NAF1: variants seen among roughly 807,000 people sequenced by gnomAD.
NAF1 encodes H/ACA ribonucleoprotein complex non-core subunit NAF1.
In NAF1, 11 loss-of-function variants were observed where a neutral mutation model predicts 40.6. That is an observed-to-expected ratio of 0.27 (90% CI 0.17 to 0.45). The LOEUF is 0.45. Ranked by LOEUF, NAF1 falls within the 20% of genes least tolerant of loss-of-function variation. NAF1 has a pLI of 1.00. For synonymous variants in NAF1, 260 were observed against 228.5 expected, an observed-to-expected ratio of 1.14 and a Z score of -1.24; for missense variants, 607 against 611.1, an observed-to-expected ratio of 0.99 and a Z score of 0.07.
chr4:163,128,668 A>C (rs1290456259), downstream of NAF1: 9 of 1,029,416 alleles, frequency 8.7e-6, no homozygotes, highest in Admixed American at 4.0e-4. Flanking sequence ...TGAATTCAAA[A>C]TTTTAATTAA....
At position 163,129,212 on chromosome 4, in the gene NAF1, A is replaced by T. The variant is rs757509484; in HGVS notation, c.1170T>A (p.Pro390=). ...ARYPRSCHGR[P]PPQHFYNSEH... is the part of the protein sequence containing the mutation. The stretch of plus-strand genomic sequence containing the variant: ...CTGAGTTATAGAAATGCTGAGGTGG[A>T]GGCCTGCCATGGCAAGATCGAGGGT... Residue 390 remains proline, a synonymous_variant, in exon 8 of 8, where the codon CCT becomes CCA. Transcript: ENST00000274054. 7 of 1,613,704 alleles carry T rather than the reference A, an allele frequency of 4.3e-6. No homozygotes were observed. In the East Asian group the frequency reaches 1.6e-4, roughly 36 times the overall value.
At chr4:163,118,028 T>C (rs1730403663) in intron 2 of NAF1, among the ~76,000 whole-genome samples, 1 of 152,210 alleles carries the variant, frequency 6.6e-6, no homozygotes, top group South Asian at 2.1e-4. Flanking sequence ...TCATGTTCCA[T>C]TTATCTTTCA....
intron 2 of NAF1, among the ~76,000 whole-genome samples, chr4:163,111,413 C>T (rs1433921535): frequency 2.0e-5 from 3 of 152,106 alleles, no homozygotes; most frequent in Non-Finnish European, 4.4e-5. Context: ...TATTGTTCTT[C>T]TATTTTGTTT....
In NAF1 at chr4:163,140,403, G is replaced by C. The variant is rs770815865; in HGVS notation, c.718-20C>G. The C allele has an allele frequency of 6.4e-7, 1 of 1,574,388 alleles. No individual in the cohort carries two copies. Among genetic ancestry groups the C allele is most frequent in the Non-Finnish European group, 8.6e-7 (1 of 1,163,776 alleles). On this transcript the variant is annotated intron_variant, in intron 4 of 7. Coordinates refer to ENST00000274054, the MANE Select transcript of NAF1 (RefSeq NM_138386.3). ...GAATATCTGTAATAGAAACATAAAG[G>C]CCTCTTTTAACATGTAAAATAACTA... is the stretch of plus-strand genomic sequence containing the variant.
intron 6 of NAF1, among the ~76,000 whole-genome samples, chr4:163,136,882 A>G (rs186123169): frequency 6.6e-6 from 1 of 152,350 alleles, no homozygotes; most frequent in African/African-American, 2.4e-5. Context: ...AAAAATAATG[A>G]CAGCCTGCCT....
chr4:163,123,196 A>C (rs919201245), downstream of NAF1, among the ~76,000 whole-genome samples: 1 of 152,150 alleles, frequency 6.6e-6, no homozygotes, highest in Admixed American at 6.5e-5. Context: ...TGTGAGCAAG[A>C]GAGGTGCCAT....
intron 2 of NAF1, 44 bp downstream of exon 2, chr4:163,164,173 G>T: frequency 6.9e-7 from 1 of 1,451,610 alleles, no homozygotes; most frequent in Non-Finnish European, 9.1e-7. Context: ...ACCAGAATAC[G>T]TTTTAAAACA....
chr4:163,132,947 T>C (rs1459256541), intron 7 of NAF1, among the ~76,000 whole-genome samples: 1 of 152,252 alleles, frequency 6.6e-6, no homozygotes, highest in Non-Finnish European at 1.5e-5. Flanking sequence ...TAACAAGGTT[T>C]AGTCTCTCTG....
intron 2 of NAF1, among the ~76,000 whole-genome samples, chr4:163,111,581 T>C (rs1730161246): frequency 6.6e-6 from 1 of 152,110 alleles, no homozygotes; most frequent in African/African-American, 2.4e-5. Context: ...TAAATAAAGA[T>C]GTCAGGGAGT....
intron 2 of NAF1, chr4:163,119,569 T>C (rs1730455055): frequency 6.6e-6 from 1 of 152,184 alleles, no homozygotes; most frequent in South Asian, 2.1e-4. Flanking sequence ...GCTCCCATGA[T>C]CTTCTAATTG....
intron 2 of NAF1, among the ~76,000 whole-genome samples, chr4:163,159,522 G>A (rs939060126): frequency 1.3e-5 from 2 of 152,076 alleles, no homozygotes; most frequent in African/African-American, 4.8e-5. Context: ...ACTAAGTGTA[G>A]ACCAAGATGC....
At chr4:163,105,500 C>T (rs1442812192), downstream of NAF1, among the ~76,000 whole-genome samples, 6 of 152,120 alleles carry the variant, frequency 3.9e-5, no homozygotes, top group East Asian at 5.8e-4. Flanking sequence ...ACTAAAAATG[C>T]GTCAGCTATT....
chr4:163,140,629 T>C (rs1246619918), intron 4 of NAF1, among the ~76,000 whole-genome samples: 1 of 152,228 alleles, frequency 6.6e-6, no homozygotes, highest in Non-Finnish European at 1.5e-5. Flanking sequence ...TAGTAACAAG[T>C]TTGTTCCTCA....
downstream of NAF1, among the ~76,000 whole-genome samples, chr4:163,109,071 T>C (rs2110785796): frequency 6.6e-6 from 1 of 152,202 alleles, no homozygotes; most frequent in East Asian, 1.9e-4. Context: ...GTACTTATCA[T>C]ATTCCAAGGC....
Position 163,128,948 on chromosome 4 carries a change from A to C in NAF1, c.1434T>G (p.Pro478=), listed in dbSNP as rs763909888. Residue 478 remains proline, a synonymous_variant, in exon 8 of 8, where the codon CCT becomes CCG. Coordinates refer to ENST00000274054, the MANE Select transcript of NAF1 (RefSeq NM_138386.3). ...TACTATCTCCAGAAGAGGGTGGAGG[A>C]GGCAGTGGTGGAGGGGGAGGGGGTG... The part of the protein sequence containing the change: ...LPPPPPPPPL[P]PPPSSGDSNS... 7.1e-5 allele frequency: 53 copies of C among 742,296 alleles called. No homozygotes were observed. In the East Asian group the frequency reaches 1.8e-3, roughly 26 times the overall value. The allele number at this position is 742,296 out of a possible 1,614,324, so 46.0% of individuals were successfully genotyped here.
At chr4:163,160,347 AAAAAACAAAAAC>A (rs552504569) in intron 2 of NAF1, among the ~76,000 whole-genome samples, 47 of 152,262 alleles carry the variant, frequency 3.1e-4, no homozygotes, top group African/African-American at 8.7e-4. Context: ...CCCTCACATT[AAAAAACAAAAAC>A]AAAAACAAAA....
chr4:163,119,640 C>A (rs1375329133), intron 2 of NAF1: 1 of 152,164 alleles, frequency 6.6e-6, no homozygotes, highest in Non-Finnish European at 1.5e-5. Flanking sequence ...TGTCTTCCAG[C>A]TATCTTCTAT....
At chr4:163,164,433 T>A in intron 1 of NAF1, 42 bp from the exon 2 acceptor site, 2 of 1,300,042 alleles carry the variant, frequency 1.5e-6, no homozygotes, top group African/African-American at 3.1e-5. Context: ...CCAGTATTAT[T>A]ATACTAATAT....
chr4:163,134,411 G>C (rs1730980445), intron 6 of NAF1, among the ~76,000 whole-genome samples: 1 of 152,092 alleles, frequency 6.6e-6, no homozygotes. Context: ...AATCTAATTT[G>C]AAAACATGAA....
Sources: allele counts gnomAD v4.1 joint callset (sites outside exome capture counted in the v4.1 genomes callset), GRCh38; gene constraint gnomAD v4.1.1; transcripts MANE v1.5; gene names NCBI Gene and HGNC (gene_info 2026-07-23, HGNC 2026-07-21).